The following FYN variants were observed in gnomAD, a reference collection of about 807,000 sequenced individuals.
The protein encoded by FYN is tyrosine-protein kinase Fyn.
A neutral mutation model predicts 70.2 loss-of-function variants in FYN; 10 were observed. The observed-to-expected ratio is 0.14, with a 90% CI of 0.09 to 0.24. FYN has a LOEUF of 0.24. Among genes scored for constraint, FYN ranks in the 10% least tolerant of loss-of-function variants. The pLI is 1.00. For missense variants in FYN, 319 were observed against 673.1 expected (o/e 0.47, Z 5.82); for synonymous variants, 236 against 248.6 (o/e 0.95, Z 0.48).
chr6:111,744,211 T>C (rs531809614), intron 3 of FYN, among the ~76,000 whole-genome samples: 2 of 152,362 alleles, frequency 1.3e-5, no homozygotes, highest in Admixed American at 6.5e-5. Flanking sequence ...CCAGCAAAAA[T>C]AGCTGTCTCG....
chr6:111,863,964 C>A (rs1774034459), intron 1 of FYN, among the ~76,000 whole-genome samples: 1 of 152,194 alleles, frequency 6.6e-6, no homozygotes, highest in South Asian at 2.1e-4. Context: ...CTTCCCTTCT[C>A]ACTGTTGTTC....
chr6:111,801,052 A>G (rs1450553591), intron 2 of FYN, among the ~76,000 whole-genome samples: 1 of 152,214 alleles, frequency 6.6e-6, no homozygotes, highest in Non-Finnish European at 1.5e-5. Flanking sequence ...AACAAATTAC[A>G]AGTCCACAAC....
chr6:111,834,228 G>A (rs555830824), intron 2 of FYN, among the ~76,000 whole-genome samples: 9 of 152,146 alleles, frequency 5.9e-5, no homozygotes, highest in Non-Finnish European at 1.2e-4. Flanking sequence ...GGTGTGGAGA[G>A]TGAACTCACA....
At chr6:111,768,938 G>C (rs1431659782) in intron 3 of FYN, among the ~76,000 whole-genome samples, 2 of 152,170 alleles carry the variant, frequency 1.3e-5, no homozygotes, top group Non-Finnish European at 2.9e-5. Context: ...ATCAGCATGG[G>C]ATAAAAGGAT....
At chr6:111,714,182 C>T (rs1458728537) in intron 5 of FYN, among the ~76,000 whole-genome samples, 165 bp downstream of exon 5, 3 of 152,238 alleles carry the variant, frequency 2.0e-5, no homozygotes, top group Non-Finnish European at 4.4e-5. Flanking sequence ...AAATACTGCA[C>T]TGTGTCACTG....
At chr6:111,675,812 T>C (rs1031532841) in intron 12 of FYN, among the ~76,000 whole-genome samples, 1 of 147,386 alleles carries the variant, frequency 6.8e-6, no homozygotes, top group African/African-American at 2.6e-5. Context: ...TGAAATAAAA[T>C]AAAAATAAAT....
At chr6:111,869,205 G>A (rs1018715923) in intron 1 of FYN, among the ~76,000 whole-genome samples, 1 of 152,226 alleles carries the variant, frequency 6.6e-6, no homozygotes, top group Non-Finnish European at 1.5e-5. Context: ...CTTAACCTCC[G>A]TGGAATATGC....
chr6:111,858,018 G>A (rs6927254), intron 1 of FYN, among the ~76,000 whole-genome samples: 18,743 of 152,104 alleles, frequency 0.12, 1,273 homozygotes, highest in East Asian at 0.27. Flanking sequence ...CCTCCAGCAG[G>A]GAGATTGGCA....
chr6:111,689,456 G>T (rs1480030877), intron 12 of FYN, among the ~76,000 whole-genome samples: 1 of 152,198 alleles, frequency 6.6e-6, no homozygotes, highest in African/African-American at 2.4e-5. Flanking sequence ...TTCCACTGGA[G>T]AACACAGCCC....
At chr6:111,668,549 G>C (rs1034890246) in intron 13 of FYN, among the ~76,000 whole-genome samples, 1 of 150,658 alleles carries the variant, frequency 6.6e-6, no homozygotes, top group African/African-American at 2.4e-5. Flanking sequence ...GTGCCCATGA[G>C]GAAGGCCCCG....
chr6:111,817,725 T>A (rs1387787454), intron 2 of FYN, among the ~76,000 whole-genome samples: 2 of 152,242 alleles, frequency 1.3e-5, no homozygotes, highest in African/African-American at 4.8e-5. Flanking sequence ...GATACATTGC[T>A]TTCCTTAAAT....
At chr6:111,735,468 G>A (rs1801668772) in intron 3 of FYN, among the ~76,000 whole-genome samples, 1 of 152,292 alleles carries the variant, frequency 6.6e-6, no homozygotes, top group East Asian at 1.9e-4. Context: ...AATGAAGGGA[G>A]GTAAAGTTAT....
intron 9 of FYN, chr6:111,699,782 T>G: frequency 9.3e-7 from 1 of 1,071,258 alleles, no homozygotes; most frequent in Non-Finnish European, 1.3e-6. Context: ...CAACAAATAT[T>G]TGCTTTTGGA....
intron 13 of FYN, 103 bp from the exon 14 acceptor site, chr6:111,662,050 A>C (rs912592045): frequency 2.2e-6 from 2 of 926,790 alleles, no homozygotes; most frequent in Non-Finnish European, 3.2e-6. Flanking sequence ...CATGTGGCTA[A>C]AACATGCGGA....
In FYN at chr6:111,690,579, C is replaced by T. The variant is rs189250410; in HGVS notation, c.1273+3796G>A. 2.0e-5 allele frequency among the ~76,000 whole-genome samples: 3 copies of T among 152,300 alleles called. No individual in the cohort carries two copies. The East Asian group carries it at 5.8e-4, about 29-fold the overall frequency. On this transcript the variant is annotated intron_variant, in intron 12 of 13. Transcript: ENST00000354650. ...GTGTTTGAGACTTTCCATGTATCTACAATCCATTCACTCATTTGTTTATTC... is the reference window on the plus strand; with the variant it reads ...GTGTTTGAGACTTTCCATGTATCTATAATCCATTCACTCATTTGTTTATTC...
At chr6:111,850,086 A>G (rs896183623) in intron 1 of FYN, among the ~76,000 whole-genome samples, 4 of 152,216 alleles carry the variant, frequency 2.6e-5, no homozygotes, top group African/African-American at 9.7e-5. Context: ...AGATTCTGCT[A>G]TTATGTTTAC....
chr6:111,762,550 T>C (rs1044798700), intron 3 of FYN, among the ~76,000 whole-genome samples: 1 of 152,120 alleles, frequency 6.6e-6, no homozygotes. Context: ...TATAGCAATA[T>C]GATACTAACT....
intron 2 of FYN, among the ~76,000 whole-genome samples, chr6:111,795,677 G>A (rs1771781593): frequency 6.6e-6 from 1 of 152,148 alleles, no homozygotes; most frequent in Admixed American, 6.5e-5. Flanking sequence ...TGTTCTAATT[G>A]AACCAAGACA....
chr6:111,856,223 A>G (rs1396428268), intron 1 of FYN, among the ~76,000 whole-genome samples: 1 of 152,228 alleles, frequency 6.6e-6, no homozygotes, highest in African/African-American at 2.4e-5. Flanking sequence ...GTCTAAGAAG[A>G]GCTTCCACTG....
Sources: gnomAD v4.1 joint callset for allele counts (sites outside exome capture counted in the v4.1 genomes callset) on GRCh38, gnomAD v4.1.1 for gene constraint, MANE v1.5 for transcripts, NCBI Gene and HGNC (gene_info 2026-07-23, HGNC 2026-07-21) for gene names.